Variants in CYFIP2 observed in about 807,000 individuals in gnomAD.
CYFIP2 encodes the protein cytoplasmic FMR1 interacting protein 2, also known as cytoplasmic FMR1-interacting protein 2.
CYFIP2 carries 29 observed loss-of-function variants against 158.7 expected under a neutral mutation model. The observed-to-expected ratio is 0.18, with a 90% CI of 0.14 to 0.25. The LOEUF is 0.25. Among genes scored for constraint, CYFIP2 ranks in the 10% least tolerant of loss-of-function variants. CYFIP2 has a pLI of 1.00. For synonymous variants in CYFIP2, 585 were observed against 617.6 expected (o/e 0.95, Z 0.78); for missense variants, 852 against 1,639.5 (o/e 0.52, Z 8.29).
At position 157,361,421 on chromosome 5, in the gene CYFIP2, A is replaced by G. The variant is rs375992470; in HGVS notation, c.2909-47A>G. On this transcript the variant is annotated intron_variant, in intron 25 of 30. Coordinates refer to ENST00000620254, the MANE Select transcript of CYFIP2 (RefSeq NM_001037333.3). The surrounding 1 kb of genome is among the most constrained non-coding windows in gnomAD (Gnocchi z 4.4). ...TCAGTCATTGTTTCCCATAGACCCT[A>G]CTGAGCAGTGTCAACTTCCCACTGA... is the stretch of plus-strand genomic sequence containing the variant. 7.5e-5 allele frequency: 121 copies of G among 1,611,914 alleles called. No homozygotes were observed. In the African/African-American group the frequency reaches 1.4e-3, roughly 19 times the overall value.
At chr5:157,328,929 A>G (rs1284107625) in intron 19 of CYFIP2, among the ~76,000 whole-genome samples, 1 of 152,210 alleles carries the variant, frequency 6.6e-6, no homozygotes, top group Non-Finnish European at 1.5e-5. Context: ...CTGTAACAGC[A>G]TTGATCGAGG....
chr5:157,320,846 C>T, intron 15 of CYFIP2, 44 bp downstream of exon 15: 1 of 1,493,940 alleles, frequency 6.7e-7, no homozygotes, highest in South Asian at 1.4e-5. Context: ...ACTCAGAGGC[C>T]AGCCGGGCTA....
rs1581095537 is a variant in CYFIP2, at chr5:157,339,478, C to A, written c.2585+222C>A. ...TTAGGTCTTCTTTCATTGAAGAGCT[C>A]TTTCTACTGCTACTCTGAAGTTGCC... On this transcript the variant is annotated intron_variant, in intron 22 of 30. Coordinates refer to ENST00000620254, the MANE Select transcript of CYFIP2 (RefSeq NM_001037333.3). Among the ~76,000 whole-genome samples, 9 of 152,336 alleles carry A rather than the reference C, an allele frequency of 5.9e-5. 3 individuals are homozygous for A. Among genetic ancestry groups the A allele is most frequent in the Admixed American group, 5.9e-4 (9 of 15,306 alleles).
Position 157,394,534 on chromosome 5 carries a change from T to A in CYFIP2, c.*1534T>A, listed in dbSNP as rs1172495412. On this transcript the variant is annotated 3_prime_UTR_variant, in exon 31 of 31. Transcript: ENST00000620254. ...GGCCCCTTAGGTCAGATCCTGAGAG[T>A]AGCACATTTGAGTGCAGATTCCTGG... is the stretch of plus-strand genomic sequence containing the variant. 6.6e-6 allele frequency: 1 copy of A among 152,100 alleles called. No individual in the cohort carries two copies. The highest frequency in any genetic ancestry group is 1.5e-5 in the Non-Finnish European group (1 of 68,008). 9.4% of individuals were successfully genotyped at this position (152,100 alleles called of 1,614,324 possible).
chr5:157,347,305 GA>G (rs11447275), intron 23 of CYFIP2, among the ~76,000 whole-genome samples: 369 of 134,112 alleles, frequency 2.8e-3, no homozygotes, highest in Middle Eastern at 7.6e-3. Flanking sequence ...TTTTCCCTTG[GA>G]AAAAAAAAAA....
intron 3 of CYFIP2, chr5:157,288,761 A>G (rs1181326948): frequency 2.6e-6 from 1 of 389,588 alleles, no homozygotes; most frequent in South Asian, 1.9e-5. Context: ...TGACAGCTCT[A>G]GATCAAGGTC....
intron 26 of CYFIP2, among the ~76,000 whole-genome samples, chr5:157,369,887 T>TTTTTG (rs762878343): frequency 3.4e-5 from 5 of 149,016 alleles, no homozygotes; most frequent in African/African-American, 5.0e-5. Context: ...TAGTTTTTTT[T>TTTTTG]TTTTTTTTTT....
intron 23 of CYFIP2, among the ~76,000 whole-genome samples, chr5:157,350,876 AT>A (rs1339002243): frequency 3.9e-5 from 6 of 151,920 alleles, no homozygotes; most frequent in Non-Finnish European, 5.9e-5. Flanking sequence ...AACTATTTTA[AT>A]TTTTTTGCAG....
chr5:157,306,063 T>A (rs1759194466), intron 8 of CYFIP2, among the ~76,000 whole-genome samples: 1 of 152,198 alleles, frequency 6.6e-6, no homozygotes, highest in Non-Finnish European at 1.5e-5. Flanking sequence ...CTTCTCCCAT[T>A]CTTTATACAC....
chr5:157,387,217 GAAAT>G (rs1766786663), intron 28 of CYFIP2, among the ~76,000 whole-genome samples: 2 of 152,144 alleles, frequency 1.3e-5, no homozygotes, highest in African/African-American at 4.8e-5. Context: ...TGAGGTTTAT[GAAAT>G]ATTTTTATTT....
Position 157,389,434 on chromosome 5 carries a change from AC to A in CYFIP2, c.3446+13del, listed in dbSNP as rs764554211. On this transcript the variant is annotated splice_region_variant and intron_variant, in intron 29 of 30. Transcript: ENST00000620254. ...CCAACGAGTTCACAGCTGAGTGAGT[AC>A]CCCCCAGAGAAGGCAGGGTTACCCC... The A allele has an allele frequency of 3.8e-6, 6 of 1,566,144 alleles. No individual in the cohort carries two copies. The highest frequency in any genetic ancestry group is 2.6e-6 in the Non-Finnish European group (3 of 1,150,144).
chr5:157,369,879 G>GT (rs1554120265), intron 26 of CYFIP2, among the ~76,000 whole-genome samples: 1,309 of 103,266 alleles, frequency 0.013, 22 homozygotes, highest in East Asian at 0.061. Context: ...AATGGACCTA[G>GT]TTTTTTTTTT....
At chr5:157,275,753 G>A (rs1756490445) in intron 1 of CYFIP2, among the ~76,000 whole-genome samples, 1 of 152,166 alleles carries the variant, frequency 6.6e-6, no homozygotes, top group Non-Finnish European at 1.5e-5. Flanking sequence ...GTATTGCCGT[G>A]TTAACAATAT....
intron 11 of CYFIP2, 84 bp from the exon 12 acceptor site, chr5:157,314,260 G>A: frequency 6.6e-7 from 1 of 1,520,758 alleles, no homozygotes; most frequent in Non-Finnish European, 8.9e-7. Flanking sequence ...GCACTTCCCT[G>A]CAGTGTTCTT....
rs1353891660 is a variant in CYFIP2, at chr5:157,330,764, C to T, written c.2179C>T (p.Arg727Ter). The change falls in exon 20 of 31, where the codon CGA (arginine) becomes TGA (stop). Residue 727 changes from arginine (R) to a stop codon, truncating the protein, a stop_gained. Transcript: ENST00000620254. LOFTEE classifies it high-confidence loss of function. Reference sequence around the variant, plus strand: ...CAGTGTCCTGTTGGATAAACGTTTTCGAGCTGAGTGTAAGAATTATGGCGT... The same window carrying T: ...CAGTGTCCTGTTGGATAAACGTTTTTGAGCTGAGTGTAAGAATTATGGCGT... The part of the protein sequence containing the change: ...AGSVLLDKRF[R>*]AECKNYGVII... 1.2e-6 allele frequency: 2 copies of T among 1,613,916 alleles called. No homozygotes were observed. Among genetic ancestry groups the T allele is most frequent in the Non-Finnish European group, 1.7e-6 (2 of 1,179,870 alleles).
intron 13 of CYFIP2, among the ~76,000 whole-genome samples, chr5:157,315,337 A>C (rs190626976): frequency 6.6e-6 from 1 of 152,360 alleles, no homozygotes; most frequent in Non-Finnish European, 1.5e-5. Flanking sequence ...GGCACAAAGA[A>C]ACCAACAGAA....
At chr5:157,283,602 C>T (rs1757154121) in intron 1 of CYFIP2, among the ~76,000 whole-genome samples, 1 of 152,114 alleles carries the variant, frequency 6.6e-6, no homozygotes, top group South Asian at 2.1e-4. Context: ...AGGAAGTTAC[C>T]TCTGGGCTCA....
At chr5:157,345,259 G>A (rs193024874) in intron 23 of CYFIP2, 8 of 152,364 alleles carry the variant, frequency 5.3e-5, no homozygotes, top group Non-Finnish European at 1.0e-4. Flanking sequence ...CAGGAATCCT[G>A]TTTCTTGTCA....
At chr5:157,313,558 C>T (rs1387566675) in intron 11 of CYFIP2, among the ~76,000 whole-genome samples, 1 of 152,182 alleles carries the variant, frequency 6.6e-6, no homozygotes, top group Non-Finnish European at 1.5e-5. Flanking sequence ...AAGGCAGAGT[C>T]ACTTTGTCCG....
Sources: allele counts gnomAD v4.1 joint callset (sites outside exome capture counted in the v4.1 genomes callset), GRCh38; gene constraint gnomAD v4.1.1; non-coding constraint Gnocchi (gnomAD v3.1); transcripts MANE v1.5; gene names NCBI Gene and HGNC (gene_info 2026-07-23, HGNC 2026-07-21).